PAAF1: variants seen among roughly 807,000 people sequenced by gnomAD.
PAAF1 encodes the protein proteasomal ATPase-associated factor 1.
In PAAF1, 46 loss-of-function variants were observed where a neutral mutation model predicts 52.8. The ratio of observed to expected loss-of-function variants is 0.87; its 90% CI spans 0.69 to 1.11. The LOEUF (loss-of-function observed/expected upper bound fraction) is 1.11. Among genes scored for constraint, PAAF1 ranks in the 50% most tolerant of loss-of-function variants. PAAF1 has a pLI of 0.00. For synonymous variants in PAAF1, 178 were observed against 172.8 expected (o/e 1.03, Z -0.24); for missense variants, 424 against 477.4 (o/e 0.89, Z 1.04).
intron 4 of PAAF1, 75 bp downstream of exon 4, chr11:73,891,276 A>G (rs960062092): frequency 2.3e-5 from 18 of 794,544 alleles, no homozygotes; most frequent in Admixed American, 1.8e-4. Flanking sequence ...GTCTAGTGCT[A>G]TAAACATATT....
At chr11:73,881,408 C>T (rs1948902727) in intron 2 of PAAF1, among the ~76,000 whole-genome samples, 1 of 152,120 alleles carries the variant, frequency 6.6e-6, no homozygotes, top group Non-Finnish European at 1.5e-5. Context: ...GCCTCAGCCT[C>T]CTGAATAGCT....
rs531494318 is a variant in PAAF1, at chr11:73,896,920, C to T, written c.283-2226C>T. On this transcript the variant is annotated intron_variant, in intron 4 of 11. Transcript: ENST00000310571. ...CTCCCGGACGGGGCGGCTGGCCGGA[C>T]GGGGGGGCTGACCCCCCAGACCTCC... Among the ~76,000 whole-genome samples, 333 of 148,722 alleles carry T rather than the reference C, an allele frequency of 2.2e-3. 1 individual carries two copies. Among genetic ancestry groups the T allele is most frequent in the Middle Eastern group, 7.1e-3 (2 of 282 alleles).
chr11:73,930,108 C>G lies in PAAF1; in HGVS notation c.*2746C>G, dbSNP rs143051060. ...GAAATGGGCCGGGCGCAGTGGCTCA[C>G]GCCTGTAATCCCAGCACTTTGGGAG... On this transcript the variant is annotated 3_prime_UTR_variant, in exon 12 of 12. Transcript: ENST00000310571. 0.02 allele frequency: 3,084 copies of G among 151,592 alleles called. 106 individuals carry two copies. The highest frequency in any genetic ancestry group is 0.07 in the African/African-American group (2,873 of 41,158). 9.4% of individuals were successfully genotyped at this position (151,592 alleles called of 1,614,324 possible). A position where few individuals can be genotyped will look rare whatever the true frequency, so the allele number is the denominator to read the frequency against.
chr11:73,878,908 C>A lies in PAAF1; in HGVS notation c.88+89C>A, dbSNP rs1948819328. ...AGCTTCCTACTTTCTCCTGGCCCAGCCTCCTTACATAATAGTCTGCAAACA... is the reference window on the plus strand; with the variant it reads ...AGCTTCCTACTTTCTCCTGGCCCAGACTCCTTACATAATAGTCTGCAAACA... On this transcript the variant is annotated intron_variant, in intron 2 of 11. Coordinates refer to ENST00000310571, the MANE Select transcript of PAAF1 (RefSeq NM_025155.3). 2.4e-6 allele frequency: 3 copies of A among 1,251,990 alleles called. No homozygotes were observed. In the South Asian group the frequency reaches 3.9e-5, roughly 16 times the overall value. 77.6% of individuals were successfully genotyped at this position (1,251,990 alleles called of 1,614,324 possible).
chr11:73,902,014 C>T (rs1159341297), intron 6 of PAAF1, among the ~76,000 whole-genome samples: 1 of 151,974 alleles, frequency 6.6e-6, no homozygotes, highest in Non-Finnish European at 1.5e-5. Context: ...CAGGCGTGCA[C>T]CACCACATCC....
intron 1 of PAAF1, 160 bp downstream of exon 1, chr11:73,877,228 T>C: frequency 1.5e-6 from 1 of 685,002 alleles, no homozygotes; most frequent in East Asian, 3.4e-5. Context: ...ATCAAACCCG[T>C]ATGGTCATTC....
At chr11:73,885,200 G>T (rs534342122) in intron 2 of PAAF1, among the ~76,000 whole-genome samples, 1 of 151,720 alleles carries the variant, frequency 6.6e-6, no homozygotes, top group South Asian at 2.1e-4. Flanking sequence ...GTGCAATGGC[G>T]TGGTCTCGGC....
At chr11:73,910,271 T>G (rs1484993129) in intron 7 of PAAF1, among the ~76,000 whole-genome samples, 1 of 151,942 alleles carries the variant, frequency 6.6e-6, no homozygotes, top group Non-Finnish European at 1.5e-5. Context: ...AGGGACGGAG[T>G]GTTCCCGGTT....
chr11:73,907,442 T>G lies in PAAF1; in HGVS notation c.533-1957T>G, dbSNP rs1360454957. Among the ~76,000 whole-genome samples the G allele has an allele frequency of 2.0e-5, 3 of 152,206 alleles. No homozygotes were observed. The East Asian group carries it at 5.8e-4, about 29-fold the overall frequency. On this transcript the variant is annotated intron_variant, in intron 6 of 11. Coordinates refer to ENST00000310571, the MANE Select transcript of PAAF1 (RefSeq NM_025155.3). ...TCCCCCTTGGTCCTGTGTCATCTTC[T>G]TGGTGAAAGTAGGACACAGTTGCAC...
At chr11:73,893,465 A>G (rs1949252059) in intron 4 of PAAF1, among the ~76,000 whole-genome samples, 1 of 152,094 alleles carries the variant, frequency 6.6e-6, no homozygotes, top group African/African-American at 2.4e-5. Context: ...GGCTGGGCGC[A>G]GTGGCTCATG....
intron 3 of PAAF1, chr11:73,889,140 G>A (rs1949137046): frequency 2.0e-6 from 3 of 1,470,034 alleles, no homozygotes; most frequent in Non-Finnish European, 2.8e-6. Context: ...GCACAGCCTG[G>A]GTGCTGACTT....
chr11:73,919,096 A>G, intron 10 of PAAF1, 64 bp downstream of exon 10: 3 of 1,438,222 alleles, frequency 2.1e-6, no homozygotes, highest in Non-Finnish European at 2.9e-6. Context: ...ACATAGTTTT[A>G]AGTGTCTGAT....
chr11:73,902,812 G>A lies in PAAF1; in HGVS notation c.532+2392G>A, dbSNP rs1792170. ...CCTTGGTTCAAGCAATTCTCCTGCC[G>A]CAGCCTCCCCAGTAACTGGGATTAC... On this transcript the variant is annotated intron_variant, in intron 6 of 11. Transcript: ENST00000310571. Among the ~76,000 whole-genome samples the A allele has an allele frequency of 1.4e-3, 216 of 152,018 alleles. 2 individuals are homozygous for A. The East Asian group carries it at 0.04, about 28-fold the overall frequency.
chr11:73,925,877 C>G (rs763436282), intron 11 of PAAF1, among the ~76,000 whole-genome samples: 1 of 152,070 alleles, frequency 6.6e-6, no homozygotes. Flanking sequence ...TTTTTGGTTC[C>G]CTTTCTCTTT....
chr11:73,897,297 T>A (rs1436877045), intron 4 of PAAF1, among the ~76,000 whole-genome samples: 1 of 148,544 alleles, frequency 6.7e-6, no homozygotes, highest in Non-Finnish European at 1.5e-5. Context: ...CCCCCCCACT[T>A]CCCTCCCGGA....
chr11:73,901,712 G>A (rs1396726395), intron 6 of PAAF1, among the ~76,000 whole-genome samples: 4 of 151,746 alleles, frequency 2.6e-5, no homozygotes, highest in South Asian at 2.1e-4. Flanking sequence ...CTGGGACTAC[G>A]GGTACACGCC....
intron 7 of PAAF1, 125 bp from the exon 8 acceptor site, chr11:73,914,288 A>T: frequency 2.7e-6 from 2 of 739,670 alleles, no homozygotes; most frequent in Non-Finnish European, 2.3e-6. Flanking sequence ...AGAACATAAT[A>T]AATGTTTTCT....
In PAAF1 at chr11:73,878,007, C is replaced by G. The variant is rs1049063149; in HGVS notation, c.48-772C>G. 2.0e-5 allele frequency among the ~76,000 whole-genome samples: 3 copies of G among 152,130 alleles called. No individual in the cohort carries two copies. In the East Asian group the frequency reaches 5.8e-4, roughly 29 times the overall value. ...AGGCTTCAGGATGAATATAGCAGTGCTATATTTGGCAACTGCTACTACTAA... is the reference window on the plus strand; with the variant it reads ...AGGCTTCAGGATGAATATAGCAGTGGTATATTTGGCAACTGCTACTACTAA... On this transcript the variant is annotated intron_variant, in intron 1 of 11. Coordinates refer to ENST00000310571, the MANE Select transcript of PAAF1 (RefSeq NM_025155.3).
chr11:73,900,362 G>A lies in PAAF1; in HGVS notation c.474G>A (p.Leu158=), dbSNP rs1282978085. The A allele has an allele frequency of 6.2e-7, 1 of 1,612,776 alleles. No individual in the cohort carries two copies. The highest frequency in any genetic ancestry group is 1.1e-5 in the South Asian group (1 of 90,900). Residue 158 remains leucine, a synonymous_variant, in exon 6 of 12, where the codon CTG becomes CTA. Coordinates refer to ENST00000310571, the MANE Select transcript of PAAF1 (RefSeq NM_025155.3). The stretch of plus-strand genomic sequence containing the variant: ...TGAGTGGGGGAATGGATGCCCAGCT[G>A]AAGATATGGTCAGCTGAAGATGCTA... ...VVLSGGMDAQ[L]KIWSAEDASC...
Sources: gnomAD v4.1 joint callset for allele counts (sites outside exome capture counted in the v4.1 genomes callset) on GRCh38, gnomAD v4.1.1 for gene constraint, MANE v1.5 for transcripts, NCBI Gene and HGNC (gene_info 2026-07-23, HGNC 2026-07-21) for gene names.